Variants in MAPRE1 observed in about 807,000 individuals in gnomAD.
MAPRE1 encodes the protein microtubule-associated protein RP/EB family member 1.
In MAPRE1, 5 loss-of-function variants were observed where a neutral mutation model predicts 32.1. The ratio of observed to expected loss-of-function variants is 0.16; its 90% CI spans 0.08 to 0.33. The LOEUF (loss-of-function observed/expected upper bound fraction) is 0.33, where lower values mean the gene tolerates loss of function less well. Ranked by LOEUF, MAPRE1 falls within the 10% of genes least tolerant of loss-of-function variation. MAPRE1 has a pLI of 1.00. For missense variants in MAPRE1, 209 were observed against 327.2 expected (o/e 0.64, Z 2.79); for synonymous variants, 122 against 118.9 (o/e 1.03, Z -0.17).
At chr20:32,844,010 C>T (rs925228740) in intron 5 of MAPRE1, among the ~76,000 whole-genome samples, 1 of 152,118 alleles carries the variant, frequency 6.6e-6, no homozygotes, top group Non-Finnish European at 1.5e-5. Flanking sequence ...CCTGCCTCCA[C>T]GCCCAGCTAA....
intron 5 of MAPRE1, among the ~76,000 whole-genome samples, chr20:32,840,398 A>G (rs1983327645): frequency 6.6e-6 from 1 of 151,966 alleles, no homozygotes; most frequent in Non-Finnish European, 1.5e-5. Flanking sequence ...ACTTTTAGAC[A>G]TTTTCCCACT....
chr20:32,849,322 T>C lies in MAPRE1; in HGVS notation c.*594T>C, dbSNP rs1983587239. On this transcript the variant is annotated 3_prime_UTR_variant, in exon 7 of 7. Transcript: ENST00000375571. Reference sequence around the variant, plus strand: ...GGTCTAAAAGGAACATTTAAAAAGTTGCCCTGTAAAGTTATTTGGTGTCAT... The same window carrying C: ...GGTCTAAAAGGAACATTTAAAAAGTCGCCCTGTAAAGTTATTTGGTGTCAT... 6.6e-6 allele frequency: 1 copy of C among 152,198 alleles called. No homozygotes were observed. 9.4% of individuals were successfully genotyped at this position (152,198 alleles called of 1,614,324 possible). A position where few individuals can be genotyped will look rare whatever the true frequency, so the allele number is the denominator to read the frequency against.
At chr20:32,830,739 CT>C (rs5841119) in intron 2 of MAPRE1, among the ~76,000 whole-genome samples, 9,288 of 141,708 alleles carry the variant, frequency 0.066, 923 homozygotes, top group African/African-American at 0.23. Context: ...TCTCTTCAAA[CT>C]TTTTTTTTTT....
intron 1 of MAPRE1, among the ~76,000 whole-genome samples, chr20:32,823,679 C>T (rs1311215304): frequency 2.6e-5 from 4 of 152,098 alleles, no homozygotes; most frequent in East Asian, 1.9e-4. Context: ...GAGGCTGAGG[C>T]GGAGGATTGT....
intron 5 of MAPRE1, among the ~76,000 whole-genome samples, chr20:32,840,801 A>G (rs1983336359): frequency 1.3e-5 from 2 of 152,262 alleles, no homozygotes; most frequent in South Asian, 4.1e-4. Flanking sequence ...CAAAAATCAC[A>G]TTTCACTTTT....
intron 2 of MAPRE1, among the ~76,000 whole-genome samples, chr20:32,826,743 G>A (rs1445001615): frequency 4.6e-5 from 7 of 150,718 alleles, no homozygotes; most frequent in Non-Finnish European, 7.4e-5. Flanking sequence ...GGTCGAACTC[G>A]TGACCTCAAA....
At chr20:32,840,080 G>A (rs950652676) in intron 5 of MAPRE1, among the ~76,000 whole-genome samples, 1 of 152,194 alleles carries the variant, frequency 6.6e-6, no homozygotes, top group Admixed American at 6.5e-5. Context: ...GCCTGTGCTC[G>A]GAAGCCAGTG....
chr20:32,836,570 T>C lies in MAPRE1; in HGVS notation c.268-64T>C, dbSNP rs1479681151. Reference sequence around the variant, plus strand: ...CAGAGCTTTATAATGAATTGATGCATGGACTAGTTTGATGCTTGCCAAAAG... The same window carrying C: ...CAGAGCTTTATAATGAATTGATGCACGGACTAGTTTGATGCTTGCCAAAAG... On this transcript the variant is annotated intron_variant, in intron 3 of 6. Transcript: ENST00000375571. The C allele has an allele frequency of 3.4e-6, 3 of 875,478 alleles. No homozygotes were observed. In the African/African-American group the frequency reaches 5.1e-5, roughly 15 times the overall value. 54.2% of individuals were successfully genotyped at this position (875,478 alleles called of 1,614,324 possible).
intron 5 of MAPRE1, among the ~76,000 whole-genome samples, chr20:32,846,417 G>C (rs1983506477): frequency 6.6e-6 from 1 of 152,094 alleles, no homozygotes; most frequent in Admixed American, 6.6e-5. Context: ...GCTCTTTCTG[G>C]GAGCTGTTAC....
chr20:32,820,985 T>C (rs537313569), intron 1 of MAPRE1, among the ~76,000 whole-genome samples: 4 of 152,358 alleles, frequency 2.6e-5, no homozygotes, highest in Non-Finnish European at 5.9e-5. Flanking sequence ...TTTGTGTCTT[T>C]TAATACTAAC....
Position 32,836,778 on chromosome 20 carries a change from G to A in MAPRE1, c.412G>A (p.Ala138Thr). 1 of 1,614,138 alleles carries A rather than the reference G, an allele frequency of 6.2e-7. No individual in the cohort carries two copies. The highest frequency in any genetic ancestry group is 8.5e-7 in the Non-Finnish European group (1 of 1,180,014). Residue 138 changes from alanine to threonine, a missense_variant, in exon 4 of 7, where the codon GCT becomes ACT. Physicochemically the swap from Ala to Thr is moderately conservative, Grantham distance 58 (BLOSUM62 0). Transcript: ENST00000375571. ...AARQGQETAV[A>T]PSLVAPALNK... ...CAGACAAGGTCAAGAAACTGCAGTG[G>A]CTCCTTCCCTTGTTGCTCCAGCTCT...
chr20:32,834,364 C>T (rs1039873465), intron 3 of MAPRE1, among the ~76,000 whole-genome samples: 3 of 152,148 alleles, frequency 2.0e-5, no homozygotes, highest in Admixed American at 1.3e-4. Context: ...TGGAAAACTC[C>T]TTTCTGCCCC....
rs138648092 is a variant in MAPRE1 at position 32,829,102 on chromosome 20, C to T, written c.121+3054C>T. Among the ~76,000 whole-genome samples, 578 of 152,044 alleles carry T rather than the reference C, an allele frequency of 3.8e-3. 4 individuals carry two copies. Among genetic ancestry groups the T allele is most frequent in the African/African-American group, 0.013 (547 of 41,454 alleles). ...GTAATTTTTGTATTTTTACTAGAGA[C>T]GGGGTTTCACCGTGGTGGTCAGGCT... On this transcript the variant is annotated intron_variant, in intron 2 of 6. Coordinates refer to ENST00000375571, the MANE Select transcript of MAPRE1 (RefSeq NM_012325.3).
intron 2 of MAPRE1, 60 bp from the exon 3 acceptor site, chr20:32,833,657 C>T: frequency 4.0e-6 from 6 of 1,509,202 alleles, no homozygotes; most frequent in Non-Finnish European, 5.4e-6. Context: ...TTAAGTGGGT[C>T]TGGGAAGAAG....
At chr20:32,839,476 A>G (rs577087024) in intron 4 of MAPRE1, among the ~76,000 whole-genome samples, 62 of 152,304 alleles carry the variant, frequency 4.1e-4, no homozygotes, top group African/African-American at 1.3e-3. Flanking sequence ...CAGTGGAGAA[A>G]AGACCTCACT....
chr20:32,837,128 G>A (rs1419091637), intron 4 of MAPRE1, among the ~76,000 whole-genome samples: 3 of 152,312 alleles, frequency 2.0e-5, no homozygotes, highest in East Asian at 1.9e-4. Context: ...ACAAGTTACT[G>A]TATGCAGTTT....
intron 4 of MAPRE1, among the ~76,000 whole-genome samples, chr20:32,838,079 T>C (rs1286263466): frequency 6.6e-6 from 1 of 152,068 alleles, no homozygotes; most frequent in Non-Finnish European, 1.5e-5. Context: ...ACAGACGCTG[T>C]CTCAAGAAAA....
chr20:32,823,708 A>G (rs1306139300), intron 1 of MAPRE1, among the ~76,000 whole-genome samples: 1 of 152,162 alleles, frequency 6.6e-6, no homozygotes, highest in Non-Finnish European at 1.5e-5. Context: ...GGGCCGCAAA[A>G]TGAGACCTGG....
intron 5 of MAPRE1, among the ~76,000 whole-genome samples, chr20:32,841,374 G>A (rs6088020): frequency 6.6e-6 from 1 of 152,056 alleles, no homozygotes; most frequent in African/African-American, 2.4e-5. Flanking sequence ...TTAATGTTGA[G>A]GCTGGGTAGC....
Sources: allele counts gnomAD v4.1 joint callset (sites outside exome capture counted in the v4.1 genomes callset), GRCh38; gene constraint gnomAD v4.1.1; transcripts MANE v1.5; gene names NCBI Gene and HGNC (gene_info 2026-07-23, HGNC 2026-07-21).